The following SLC35F3 variants were observed in gnomAD, a reference collection of about 807,000 sequenced individuals.
SLC35F3 encodes the protein solute carrier family 35 member F3.
SLC35F3 carries 25 observed loss-of-function variants against 49.9 expected under a neutral mutation model. That is an observed-to-expected ratio of 0.50 (90% CI 0.37 to 0.70). The LOEUF (loss-of-function observed/expected upper bound fraction) is 0.70. Ranked by LOEUF, SLC35F3 falls within the 30% of genes least tolerant of loss-of-function variation. The pLI, the probability that SLC35F3 is intolerant of heterozygous loss-of-function variation, is 0.00. For missense variants in SLC35F3, 525 were observed against 639.8 expected (o/e 0.82, Z 1.94); for synonymous variants, 275 against 265.4 (o/e 1.04, Z -0.35).
intron 2 of SLC35F3, among the ~76,000 whole-genome samples, chr1:233,958,819 A>G (rs183396298): frequency 5.3e-5 from 8 of 152,374 alleles, no homozygotes; most frequent in Non-Finnish European, 1.2e-4. Flanking sequence ...GAAAAAGACA[A>G]ACAAGTTCTT....
At chr1:234,126,250 CA>C (rs1440745843) in intron 2 of SLC35F3, among the ~76,000 whole-genome samples, 1 of 152,206 alleles carries the variant, frequency 6.6e-6, no homozygotes, top group Non-Finnish European at 1.5e-5. Flanking sequence ...CCCCACCAGC[CA>C]AATCCAGCTC....
At chr1:233,991,597 GC>G (rs1663356258) in intron 2 of SLC35F3, among the ~76,000 whole-genome samples, 1 of 152,056 alleles carries the variant, frequency 6.6e-6, no homozygotes, top group Non-Finnish European at 1.5e-5. Flanking sequence ...AGCTCATTGG[GC>G]CCCTTGTGCT....
intron 3 of SLC35F3, among the ~76,000 whole-genome samples, chr1:234,292,250 G>T (rs766659768): frequency 1.3e-5 from 2 of 152,228 alleles, no homozygotes; most frequent in South Asian, 2.1e-4. Context: ...GCTAAGGACA[G>T]CAGGGAGGCC....
At chr1:234,123,636 T>G (rs1665607976) in intron 2 of SLC35F3, among the ~76,000 whole-genome samples, 1 of 151,940 alleles carries the variant, frequency 6.6e-6, no homozygotes, top group Admixed American at 6.6e-5. Flanking sequence ...CAGGCTATTC[T>G]TGAACTCCTG....
intron 3 of SLC35F3, among the ~76,000 whole-genome samples, chr1:234,240,458 A>G (rs984982585): frequency 7.9e-5 from 12 of 151,858 alleles, no homozygotes; most frequent in African/African-American, 2.9e-4. Context: ...TACAAAAATT[A>G]GCTGGACATG....
chr1:234,266,431 C>T (rs763979428), intron 3 of SLC35F3, among the ~76,000 whole-genome samples: 27 of 152,116 alleles, frequency 1.8e-4, no homozygotes, highest in Non-Finnish European at 3.5e-4. Context: ...CAGTATCAGG[C>T]GAGGTGAGGA....
At chr1:234,112,516 A>G (rs1300423740) in intron 2 of SLC35F3, among the ~76,000 whole-genome samples, 2 of 151,034 alleles carry the variant, frequency 1.3e-5, no homozygotes, top group East Asian at 1.9e-4. Context: ...TTGTGTTTGG[A>G]AATTTTACCC....
At chr1:234,037,473 C>G (rs1664160708) in intron 2 of SLC35F3, among the ~76,000 whole-genome samples, 1 of 152,172 alleles carries the variant, frequency 6.6e-6, no homozygotes, top group African/African-American at 2.4e-5. Context: ...AATATGCAAA[C>G]TATATCACTA....
chr1:234,193,709 A>G lies in SLC35F3; in HGVS notation c.284-37708A>G, dbSNP rs1666763871. ...ACAACTTGTAATCCTACAAAGGACT[A>G]ATATCCAGAATCTACAACAAACTCA... is the stretch of plus-strand genomic sequence containing the variant. On this transcript the variant is annotated intron_variant, in intron 2 of 7. Coordinates refer to ENST00000366618, the MANE Select transcript of SLC35F3 (RefSeq NM_173508.4). 2.0e-5 allele frequency among the ~76,000 whole-genome samples: 3 copies of G among 152,240 alleles called. No individual in the cohort carries two copies. In the South Asian group the frequency reaches 6.2e-4, roughly 32 times the overall value.
intron 2 of SLC35F3, among the ~76,000 whole-genome samples, chr1:233,934,437 A>T (rs1489243804): frequency 6.6e-6 from 1 of 152,218 alleles, no homozygotes; most frequent in African/African-American, 2.4e-5. Flanking sequence ...AATTTCCCTG[A>T]TAATAACTAG....
At chr1:234,272,153 G>A (rs1029304812) in intron 3 of SLC35F3, among the ~76,000 whole-genome samples, 11 of 152,106 alleles carry the variant, frequency 7.2e-5, no homozygotes, top group Admixed American at 5.9e-4. Context: ...AATGTGTGAA[G>A]ACAACAGGCA....
At chr1:234,036,664 G>A (rs12044154) in intron 2 of SLC35F3, among the ~76,000 whole-genome samples, 5 of 152,118 alleles carry the variant, frequency 3.3e-5, no homozygotes, top group African/African-American at 7.2e-5. Context: ...TGTCAGTGTC[G>A]GGAGGGACAG....
At chr1:233,969,402 GCCT>G (rs1016082550) in intron 2 of SLC35F3, among the ~76,000 whole-genome samples, 33 of 152,320 alleles carry the variant, frequency 2.2e-4, no homozygotes, top group African/African-American at 7.2e-4. Flanking sequence ...CATCTGCGGT[GCCT>G]CCTCATCTTA....
intron 2 of SLC35F3, among the ~76,000 whole-genome samples, chr1:234,093,715 G>A (rs192570359): frequency 2.0e-5 from 3 of 152,326 alleles, no homozygotes; most frequent in African/African-American, 4.8e-5. Context: ...GGGCCCTGCC[G>A]GGGCATTCTC....
Position 234,318,840 on chromosome 1 carries a change from C to T in SLC35F3, c.1044C>T (p.Ile348=). 1.2e-6 allele frequency: 2 copies of T among 1,614,210 alleles called. No individual in the cohort carries two copies. Among genetic ancestry groups the T allele is most frequent in the Non-Finnish European group, 1.7e-6 (2 of 1,180,012 alleles). Reference sequence around the variant, plus strand: ...TGGGTGTGTTTAACATCCTCTTCATCACCTGCATTCCTATTATCCTCTACT... The same window carrying T: ...TGGGTGTGTTTAACATCCTCTTCATTACCTGCATTCCTATTATCCTCTACT... ...SILGVFNILF[I]TCIPIILYFT... The change falls in exon 6 of 8, where the codon ATC becomes ATT. Residue 348 remains isoleucine, a synonymous_variant. Transcript: ENST00000366618.
At chr1:234,313,985 G>A (rs1657421215) in intron 4 of SLC35F3, among the ~76,000 whole-genome samples, 2 of 152,202 alleles carry the variant, frequency 1.3e-5, no homozygotes, top group South Asian at 2.1e-4. Flanking sequence ...GCTCCACAGG[G>A]TATTGAGAGT....
intron 2 of SLC35F3, among the ~76,000 whole-genome samples, chr1:233,936,888 C>T (rs941715098): frequency 1.3e-5 from 2 of 152,120 alleles, no homozygotes; most frequent in Admixed American, 6.6e-5. Flanking sequence ...GACGGGGCCT[C>T]CTTGTGTTGC....
chr1:234,170,861 C>G (rs549706129), intron 2 of SLC35F3, among the ~76,000 whole-genome samples: 6 of 152,306 alleles, frequency 3.9e-5, no homozygotes, highest in African/African-American at 1.4e-4. Context: ...GTGGCCTTGC[C>G]GTGGGGACAG....
intron 2 of SLC35F3, among the ~76,000 whole-genome samples, chr1:234,224,040 C>A (rs540978764): frequency 2.8e-5 from 4 of 144,754 alleles, no homozygotes; most frequent in Non-Finnish European, 4.4e-5. Flanking sequence ...CCTCATTTAA[C>A]CTTTTTCGGT....
Sources: allele counts gnomAD v4.1 joint callset (sites outside exome capture counted in the v4.1 genomes callset), GRCh38; gene constraint gnomAD v4.1.1; transcripts MANE v1.5; gene names NCBI Gene and HGNC (gene_info 2026-07-23, HGNC 2026-07-21).